Variants in CREBBP observed in about 807,000 individuals in gnomAD.
CREBBP encodes the protein CREB binding lysine acetyltransferase, also known as CREB-binding protein.
A neutral mutation model predicts 265.0 loss-of-function variants in CREBBP; 19 were observed. That is an observed-to-expected ratio of 0.07 (90% CI 0.05 to 0.11). The LOEUF is 0.11. CREBBP is among the 10% of genes least tolerant of loss of function. The pLI, the probability that CREBBP is intolerant of heterozygous loss-of-function variation, is 1.00. For missense variants in CREBBP, 2,525 were observed against 3,219.0 expected, an observed-to-expected ratio of 0.78 and a Z score of 5.22; for synonymous variants, 1,457 against 1,223.7, an observed-to-expected ratio of 1.19 and a Z score of -3.98.
Position 3,731,992 on chromosome 16 carries a change from C to A in CREBBP, c.4729-55G>T, listed in dbSNP as rs562327601. On this transcript the variant is annotated intron_variant, in intron 28 of 30. Coordinates refer to ENST00000262367, the MANE Select transcript of CREBBP (RefSeq NM_004380.3). The surrounding 1 kb of genome is among the most constrained non-coding windows in gnomAD (Gnocchi z 7.7). ...GGCAAGTGCCCCTCCACACTTGGCA[C>A]GGACGCCCAGCTCCCAGGCCGTGGG... is the stretch of plus-strand genomic sequence containing the variant. 1.2e-6 allele frequency: 2 copies of A among 1,613,298 alleles called. No individual in the cohort carries two copies. The highest frequency in any genetic ancestry group is 1.1e-5 in the South Asian group (1 of 91,056).
intron 3 of CREBBP, among the ~76,000 whole-genome samples, chr16:3,803,793 TAAGGTGGCCGGG>T (rs1304244628): frequency 1.3e-5 from 2 of 151,194 alleles, no homozygotes; most frequent in South Asian, 2.1e-4. Flanking sequence ...AGAAAACCTA[TAAGGTGGCCGGG>T]AGAGGTGGCT....
chr16:3,728,654 AGGCTGGGGTTGCATGCCG>A lies in CREBBP; in HGVS notation c.6375_6392del (p.Gln2128_Met2133del). ...GCAGGCTGGGCTGCTGGTGCATGCCAGGCTGGGGTTGCATGCCGGGCTGGGACTGGAGGCCAGGCTGGG... is the reference window on the plus strand; with the variant it reads ...GCAGGCTGGGCTGCTGGTGCATGCCAGGCTGGGACTGGAGGCCAGGCTGGG... On this transcript the variant is annotated inframe_deletion, in exon 31 of 31. Coordinates refer to ENST00000262367, the MANE Select transcript of CREBBP (RefSeq NM_004380.3). The surrounding 1 kb of genome is among the most constrained non-coding windows in gnomAD (Gnocchi z 8.7). 6.2e-7 allele frequency: 1 copy of A among 1,613,388 alleles called. No individual in the cohort carries two copies. Among genetic ancestry groups the A allele is most frequent in the Non-Finnish European group, 8.5e-7 (1 of 1,179,754 alleles).
rs375416112 is a variant in CREBBP at position 3,758,008 on chromosome 16, G to T, written c.3410C>A (p.Thr1137Asn). The T allele has an allele frequency of 6.2e-6, 10 of 1,613,334 alleles. No individual in the cohort carries two copies. The highest frequency in any genetic ancestry group is 8.5e-6 in the Non-Finnish European group (10 of 1,179,956). Residue 1137 changes from threonine to asparagine, a missense_variant, in exon 18 of 31, where the codon ACC (threonine) becomes AAC (asparagine). This residue lies in a region of CREBBP where 252 missense variants were observed against 452.5 expected (regional missense o/e 0.56). Transcript: ENST00000262367. ...DIVKNPMDLS[T>N]IKRKLDTGQY... ...CCCTGTGTCCAGCTTCCGCTTGATGGTGGAGAGGTCCATGGGATTCTTTAC... is the reference window on the plus strand; with the variant it reads ...CCCTGTGTCCAGCTTCCGCTTGATGTTGGAGAGGTCCATGGGATTCTTTAC...
At chr16:3,777,570 G>C in intron 11 of CREBBP, 43 bp downstream of exon 11, 1 of 1,594,766 alleles carries the variant, frequency 6.3e-7, no homozygotes. Context: ...TATGGCTGTT[G>C]AATGTAAAAC....
chr16:3,751,056 CA>C (rs955341296), intron 20 of CREBBP, among the ~76,000 whole-genome samples: 2 of 146,450 alleles, frequency 1.4e-5, no homozygotes, highest in Non-Finnish European at 1.5e-5. Context: ...GACCCCATTT[CA>C]AAAAAAAAAT....
chr16:3,861,131 A>C (rs2055064182), intron 1 of CREBBP, among the ~76,000 whole-genome samples: 1 of 151,984 alleles, frequency 6.6e-6, no homozygotes, highest in African/African-American at 2.4e-5. Flanking sequence ...AATTACAAAA[A>C]ATTAGCTGGG....
In CREBBP at chr16:3,850,500, T is replaced by C; in HGVS notation, c.595A>G (p.Asn199Asp). 6.2e-7 allele frequency: 1 copy of C among 1,614,210 alleles called. No individual in the cohort carries two copies. Among genetic ancestry groups the C allele is most frequent in the Non-Finnish European group, 8.5e-7 (1 of 1,180,044 alleles). ...TGCGCCTGCCCTTGTGAAGCCTGAT[T>C]AATTAAGCTATGGCCAGAGTTACTA... is the stretch of plus-strand genomic sequence containing the variant. ...LNSNSGHSLI[N>D]QASQGQAQVM... is the part of the protein sequence containing the mutation. The change falls in exon 2 of 31, where the codon AAT (asparagine) becomes GAT (aspartate). Residue 199 changes from asparagine to aspartate, a missense_variant. Around this residue, in one of 19 missense-constraint regions of CREBBP, gnomAD observed 356 missense variants for 340.4 expected, o/e 1.05. Transcript: ENST00000262367.
At chr16:3,802,003 C>T (rs2053723475) in intron 3 of CREBBP, among the ~76,000 whole-genome samples, 1 of 151,722 alleles carries the variant, frequency 6.6e-6, no homozygotes, top group Non-Finnish European at 1.5e-5. Flanking sequence ...TAGCCACAGG[C>T]TCTTTGCATG....
rs2151319974 is a variant in CREBBP at position 3,731,962 on chromosome 16, G to C, written c.4729-25C>G. 3 of 1,614,110 alleles carry C rather than the reference G, an allele frequency of 1.9e-6. No homozygotes were observed. The highest frequency in any genetic ancestry group is 2.5e-6 in the Non-Finnish European group (3 of 1,180,042). ...CCTGCAACAACACGCAAGGCTGTGA[G>C]ACCAGGCAAGTGCCCCTCCACACTT... is the stretch of plus-strand genomic sequence containing the variant. On this transcript the variant is annotated intron_variant, in intron 28 of 30. Coordinates refer to ENST00000262367, the MANE Select transcript of CREBBP (RefSeq NM_004380.3). The surrounding 1 kb of genome is among the most constrained non-coding windows in gnomAD (Gnocchi z 7.7).
At position 3,728,153 on chromosome 16, in the gene CREBBP, T is replaced by G; in HGVS notation, c.6894A>C (p.Gln2298His). Reference sequence around the variant, plus strand: ...ACCCAATCTGCTGCTTCATCTGCTGTTGCTGCAGAATCCGCTGCTGCAGGG... The same window carrying G: ...ACCCAATCTGCTGCTTCATCTGCTGGTGCTGCAGAATCCGCTGCTGCAGGG... ...QQALQQRILQ[Q>H]QQMKQQIGSP... Residue 2298 changes from glutamine to histidine, a missense_variant, in exon 31 of 31, where the codon CAA becomes CAC. Physicochemically the swap from Gln to His is conservative, Grantham distance 24. Coordinates refer to ENST00000262367, the MANE Select transcript of CREBBP (RefSeq NM_004380.3). The surrounding 1 kb of genome is among the most constrained non-coding windows in gnomAD (Gnocchi z 8.7). 1 of 1,614,150 alleles carries G rather than the reference T, an allele frequency of 6.2e-7. No homozygotes were observed. Among genetic ancestry groups the G allele is most frequent in the Non-Finnish European group, 8.5e-7 (1 of 1,180,016 alleles).
At chr16:3,837,942 T>C (rs1332323450) in intron 2 of CREBBP, among the ~76,000 whole-genome samples, 1 of 152,120 alleles carries the variant, frequency 6.6e-6, no homozygotes, top group African/African-American at 2.4e-5. Context: ...CACAGCAACT[T>C]CCAGTCCTGC....
chr16:3,819,117 C>T (rs966580477), intron 2 of CREBBP, among the ~76,000 whole-genome samples: 4 of 152,258 alleles, frequency 2.6e-5, no homozygotes, highest in African/African-American at 7.2e-5. Context: ...AGCCCAATGC[C>T]TCTTTCTGAA....
chr16:3,736,553 A>C, intron 27 of CREBBP, 97 bp downstream of exon 27: 1 of 1,505,206 alleles, frequency 6.6e-7, no homozygotes, highest in Non-Finnish European at 9.2e-7. Context: ...CTCATAAGTG[A>C]AGGTAATTAA....
intron 2 of CREBBP, among the ~76,000 whole-genome samples, chr16:3,816,467 CTT>C (rs1168335977): frequency 2.0e-5 from 3 of 152,156 alleles, no homozygotes; most frequent in African/African-American, 7.2e-5. Flanking sequence ...GGAAATTCCT[CTT>C]TAAGTTCAGC....
intron 1 of CREBBP, among the ~76,000 whole-genome samples, chr16:3,858,335 C>T (rs1424149355): frequency 6.6e-6 from 1 of 152,212 alleles, no homozygotes; most frequent in Non-Finnish European, 1.5e-5. Flanking sequence ...ACAGCCTCCT[C>T]TTCCATAATA....
At chr16:3,819,329 G>A (rs185247455) in intron 2 of CREBBP, among the ~76,000 whole-genome samples, 4 of 152,288 alleles carry the variant, frequency 2.6e-5, no homozygotes, top group East Asian at 3.9e-4. Flanking sequence ...TAAGGGTTGC[G>A]TGAGAACTAA....
At chr16:3,755,744 A>G (rs1373532099) in intron 19 of CREBBP, among the ~76,000 whole-genome samples, 1 of 152,154 alleles carries the variant, frequency 6.6e-6, no homozygotes, top group African/African-American at 2.4e-5. Context: ...AAATGTTTCT[A>G]TTGATAAAGG....
intron 1 of CREBBP, among the ~76,000 whole-genome samples, chr16:3,871,195 T>TCACACA (rs201848866): frequency 8.8e-5 from 7 of 79,212 alleles, no homozygotes; most frequent in South Asian, 5.6e-4. Context: ...TCTCTCTCTC[T>TCACACA]CACTCACACA....
intron 2 of CREBBP, among the ~76,000 whole-genome samples, chr16:3,848,742 C>A (rs1196581881): frequency 6.6e-6 from 1 of 152,096 alleles, no homozygotes; most frequent in Non-Finnish European, 1.5e-5. Context: ...GATGAATGAA[C>A]TGGGAAAAGG....
Sources: allele counts gnomAD v4.1 joint callset (sites outside exome capture counted in the v4.1 genomes callset), GRCh38; gene constraint gnomAD v4.1.1; regional missense constraint gnomAD v4.1.1; non-coding constraint Gnocchi (gnomAD v3.1); transcripts MANE v1.5; gene names NCBI Gene and HGNC (gene_info 2026-07-23, HGNC 2026-07-21).